The following CYTH3 variants were observed in gnomAD, a reference collection of about 807,000 sequenced individuals.
CYTH3 encodes cytohesin-3.
CYTH3 carries 23 observed loss-of-function variants against 55.1 expected under a neutral mutation model. That is an observed-to-expected ratio of 0.42 (90% CI 0.30 to 0.59). The LOEUF (loss-of-function observed/expected upper bound fraction) is 0.59, where lower values mean the gene tolerates loss of function less well. Ranked by LOEUF, CYTH3 falls within the 20% of genes least tolerant of loss-of-function variation. The pLI is 0.20. For synonymous variants in CYTH3, 249 were observed against 194.9 expected (o/e 1.28, Z -2.31); for missense variants, 413 against 524.8 (o/e 0.79, Z 2.08).
In CYTH3 at chr7:6,192,198, T is replaced by C. The variant is rs1046258771; in HGVS notation, c.35-1667A>G. On this transcript the variant is annotated intron_variant, in intron 1 of 12. Coordinates refer to ENST00000350796, the MANE Select transcript of CYTH3 (RefSeq NM_004227.4). ...TGCCAAAGAATTCGGATTCAAAATA[T>C]GTAACTCCTACAAATTATATTATTG... Among the ~76,000 whole-genome samples, 7 of 152,180 alleles carry C rather than the reference T, an allele frequency of 4.6e-5. No individual in the cohort carries two copies. In the East Asian group the frequency reaches 9.6e-4, roughly 21 times the overall value.
At chr7:6,217,948 C>T (rs1469481840) in intron 1 of CYTH3, among the ~76,000 whole-genome samples, 2 of 151,910 alleles carry the variant, frequency 1.3e-5, no homozygotes, top group Non-Finnish European at 2.9e-5. Flanking sequence ...TTTGGAAGGC[C>T]GAGGTGGGCA....
chr7:6,165,966 G>GCC (rs1389575292), intron 9 of CYTH3, among the ~76,000 whole-genome samples, 156 bp from the exon 10 acceptor site: 1 of 152,136 alleles, frequency 6.6e-6, no homozygotes, highest in Non-Finnish European at 1.5e-5. Flanking sequence ...CCACCGCAGG[G>GCC]CCCCACATGC....
At chr7:6,221,114 A>G (rs1784540546) in intron 1 of CYTH3, among the ~76,000 whole-genome samples, 1 of 152,228 alleles carries the variant, frequency 6.6e-6, no homozygotes, top group African/African-American at 2.4e-5. Flanking sequence ...GAATGTTCAC[A>G]GCAACTTTAC....
Position 6,163,944 on chromosome 7 carries a change from C to CA in CYTH3, c.*999dup, listed in dbSNP as rs1448482761. 2.0e-5 allele frequency: 3 copies of CA among 152,228 alleles called. No individual in the cohort carries two copies. The highest frequency in any genetic ancestry group is 4.4e-5 in the Non-Finnish European group (3 of 68,044). 9.4% of individuals were successfully genotyped at this position (152,228 alleles called of 1,614,324 possible). On this transcript the variant is annotated 3_prime_UTR_variant, in exon 13 of 13. Coordinates refer to ENST00000350796, the MANE Select transcript of CYTH3 (RefSeq NM_004227.4). ...ACGCTGCCATGTGTGTGCATCTAAACAAAACATCAGCAGTTTCACGTGGCT... is the reference window on the plus strand; with the variant it reads ...ACGCTGCCATGTGTGTGCATCTAAACAAAAACATCAGCAGTTTCACGTGGCT...
chr7:6,252,854 G>A (rs371210115), intron 1 of CYTH3, among the ~76,000 whole-genome samples: 97 of 152,150 alleles, frequency 6.4e-4, no homozygotes, highest in African/African-American at 2.3e-3. Context: ...ATAAAACCAT[G>A]GCCAAATATT....
intron 4 of CYTH3, among the ~76,000 whole-genome samples, chr7:6,180,627 C>T (rs991401707): frequency 6.6e-6 from 1 of 152,338 alleles, no homozygotes; most frequent in East Asian, 1.9e-4. Flanking sequence ...TTAAACCACC[C>T]CGTTGCTGGT....
chr7:6,163,021 A>AGTC lies in CYTH3; in HGVS notation c.*1920_*1922dup, dbSNP rs1782883002. The AGTC allele has an allele frequency of 6.5e-6, 1 of 152,700 alleles. No homozygotes were observed. Among genetic ancestry groups the AGTC allele is most frequent in the Non-Finnish European group, 1.5e-5 (1 of 68,060 alleles). 9.5% of individuals were successfully genotyped at this position (152,700 alleles called of 1,614,324 possible). A position where few individuals can be genotyped will look rare whatever the true frequency, so the allele number is the denominator to read the frequency against. On this transcript the variant is annotated 3_prime_UTR_variant, in exon 13 of 13. Transcript: ENST00000350796. ...TGGAGGCCAGAGTTGCATATCTACC[A>AGTC]GTCAGGCATTTCAAGAACGCTGACT...
chr7:6,241,066 G>A (rs1209939200), intron 1 of CYTH3, among the ~76,000 whole-genome samples: 2 of 152,098 alleles, frequency 1.3e-5, no homozygotes, highest in Non-Finnish European at 2.9e-5. Context: ...AGGTTGCAGT[G>A]AGCCGAGATT....
chr7:6,240,898 G>A (rs576266056), intron 1 of CYTH3, among the ~76,000 whole-genome samples: 3 of 151,980 alleles, frequency 2.0e-5, no homozygotes, highest in African/African-American at 7.2e-5. Context: ...GGTGGATCAC[G>A]AGGTCAGAAG....
intron 4 of CYTH3, 101 bp downstream of exon 4, chr7:6,186,949 G>T: frequency 8.3e-7 from 1 of 1,197,898 alleles, no homozygotes; most frequent in Non-Finnish European, 1.2e-6. Flanking sequence ...TTTATGAGGT[G>T]ACAGGGCGGA....
intron 4 of CYTH3, among the ~76,000 whole-genome samples, chr7:6,186,349 A>G (rs971715808): frequency 6.6e-6 from 1 of 151,962 alleles, no homozygotes; most frequent in Non-Finnish European, 1.5e-5. Context: ...TCCTCTCCTC[A>G]ACCCTGAAGA....
chr7:6,268,329 G>T (rs1010417052), intron 1 of CYTH3, among the ~76,000 whole-genome samples: 1 of 152,026 alleles, frequency 6.6e-6, no homozygotes, highest in Non-Finnish European at 1.5e-5. Context: ...CACCACTCCC[G>T]GCTAATTTTT....
At chr7:6,270,704 A>G (rs1780627695) in intron 1 of CYTH3, among the ~76,000 whole-genome samples, 2 of 152,182 alleles carry the variant, frequency 1.3e-5, no homozygotes, top group African/African-American at 4.8e-5. Flanking sequence ...CATAATACAC[A>G]TCTTTATACG....
intron 1 of CYTH3, among the ~76,000 whole-genome samples, 191 bp downstream of exon 1, chr7:6,272,283 C>A (rs912901876): frequency 4.2e-4 from 64 of 152,008 alleles, no homozygotes; most frequent in Admixed American, 2.0e-3. Flanking sequence ...CGGCCCGCCC[C>A]CTCCCTCGGC....
chr7:6,226,914 A>T (rs1779269844), intron 1 of CYTH3, among the ~76,000 whole-genome samples: 1 of 152,122 alleles, frequency 6.6e-6, no homozygotes, highest in Non-Finnish European at 1.5e-5. Context: ...CCCCGTCTCT[A>T]CTAAAAATAC....
chr7:6,250,718 TG>T (rs1300141988), intron 1 of CYTH3, among the ~76,000 whole-genome samples: 1 of 152,202 alleles, frequency 6.6e-6, no homozygotes, highest in Non-Finnish European at 1.5e-5. Context: ...AGGTTCTTTT[TG>T]AAGTGATAAA....
chr7:6,205,541 T>C (rs1486297494), intron 1 of CYTH3, among the ~76,000 whole-genome samples: 1 of 152,060 alleles, frequency 6.6e-6, no homozygotes, highest in Non-Finnish European at 1.5e-5. Flanking sequence ...ACTACTGCAC[T>C]CCAGCCTGGG....
chr7:6,259,802 T>TATATAATATATATATATA (rs1780286233), intron 1 of CYTH3, among the ~76,000 whole-genome samples: 1 of 27,788 alleles, frequency 3.6e-5, no homozygotes, highest in Admixed American at 5.9e-4. Flanking sequence ...TATATATATA[T>TATATAATATATATATATA]ATATATATAT....
Position 6,164,889 on chromosome 7 carries a change from G to A in CYTH3, c.*55C>T, listed in dbSNP as rs375311773. The A allele has an allele frequency of 4.7e-5, 75 of 1,602,556 alleles. No homozygotes were observed. Among genetic ancestry groups the A allele is most frequent in the Middle Eastern group, 3.3e-4 (2 of 5,978 alleles). On this transcript the variant is annotated 3_prime_UTR_variant, in exon 13 of 13. Coordinates refer to ENST00000350796, the MANE Select transcript of CYTH3 (RefSeq NM_004227.4). ...CACGCCTTCCGCGGAGGGGCCGCCCGCGGTGTCTTTCTGCTGGGGTTGGGT... is the reference window on the plus strand; with the variant it reads ...CACGCCTTCCGCGGAGGGGCCGCCCACGGTGTCTTTCTGCTGGGGTTGGGT...
Sources: allele counts gnomAD v4.1 joint callset (sites outside exome capture counted in the v4.1 genomes callset), GRCh38; gene constraint gnomAD v4.1.1; transcripts MANE v1.5; gene names NCBI Gene and HGNC (gene_info 2026-07-23, HGNC 2026-07-21).